HLTF: variants seen among roughly 807,000 people sequenced by gnomAD.
HLTF encodes helicase like transcription factor.
In HLTF, 127 loss-of-function variants were observed where a neutral mutation model predicts 129.4. The observed-to-expected ratio is 0.98, with a 90% confidence interval of 0.85 to 1.14. HLTF has a LOEUF of 1.14. Ranked by LOEUF, HLTF falls within the 50% of genes most tolerant of loss-of-function variation. The probability of loss-of-function intolerance (pLI) is 0.00; values close to 1 mark genes in which losing one functional copy is unlikely to be tolerated. For missense variants in HLTF, 1,139 were observed against 1,187.1 expected, an observed-to-expected ratio of 0.96 and a Z score of 0.60; for synonymous variants, 332 against 388.8, an observed-to-expected ratio of 0.85 and a Z score of 1.72.
intron 23 of HLTF, among the ~76,000 whole-genome samples, chr3:149,037,590 G>T (rs1715762441): frequency 2.0e-5 from 3 of 152,118 alleles, no homozygotes; most frequent in Non-Finnish European, 2.9e-5. Flanking sequence ...ACCGTCAGTT[G>T]AGGGAGGAAA....
chr3:149,049,928 G>A (rs1716841312), intron 15 of HLTF, among the ~76,000 whole-genome samples: 1 of 151,974 alleles, frequency 6.6e-6, no homozygotes, highest in South Asian at 2.1e-4. Context: ...GGAGGCAGAG[G>A]TTGCAGTGAG....
rs185383403 is a variant in HLTF at position 149,051,216 on chromosome 3, A to G, written c.1474-841T>C. On this transcript the variant is annotated intron_variant, in intron 14 of 24. Coordinates refer to ENST00000310053, the MANE Select transcript of HLTF (RefSeq NM_003071.4). ...TTGAATGACTACCTAGAATTGTGTGATAAAAATATAAGGAAGTTTAAAAAA... is the reference window on the plus strand; with the variant it reads ...TTGAATGACTACCTAGAATTGTGTGGTAAAAATATAAGGAAGTTTAAAAAA... Among the ~76,000 whole-genome samples the G allele has an allele frequency of 1.2e-3, 189 of 151,658 alleles. 1 individual carries two copies. The highest frequency in any genetic ancestry group is 4.2e-3 in the African/African-American group (175 of 41,322).
At chr3:149,068,682 T>C (rs1559876117) in intron 7 of HLTF, among the ~76,000 whole-genome samples, 1 of 152,254 alleles carries the variant, frequency 6.6e-6, no homozygotes, top group Non-Finnish European at 1.5e-5. Flanking sequence ...AGTTCGGAGC[T>C]AAAGTGATTA....
intron 3 of HLTF, 143 bp from the exon 4 acceptor site, chr3:149,074,491 GA>G (rs1485730082): frequency 1.2e-5 from 8 of 653,332 alleles, no homozygotes; most frequent in Admixed American, 6.8e-5. Flanking sequence ...AGACTTGAAA[GA>G]AAAAAAGGAA....
At chr3:149,045,084 AC>A (rs1272344157) in intron 18 of HLTF, among the ~76,000 whole-genome samples, 3 of 152,054 alleles carry the variant, frequency 2.0e-5, no homozygotes, top group African/African-American at 7.2e-5. Flanking sequence ...TGCGTTACAT[AC>A]CCCCATTCCA....
intron 2 of HLTF, among the ~76,000 whole-genome samples, chr3:149,079,043 A>G (rs994982112): frequency 7.2e-5 from 11 of 152,214 alleles, no homozygotes; most frequent in African/African-American, 2.7e-4. Context: ...AAGAAAAATC[A>G]GCGAAGCTGA....
In HLTF at chr3:149,070,542, G is replaced by C. The variant is rs373003496; in HGVS notation, c.894+710C>G. Among the ~76,000 whole-genome samples, 50 of 152,226 alleles carry C rather than the reference G, an allele frequency of 3.3e-4. 1 individual carries two copies. Among genetic ancestry groups the C allele is most frequent in the African/African-American group, 1.0e-3 (43 of 41,532 alleles). ...CAGCACACAAAAGCAAAAGCTCTTT[G>C]AAATCAGTAATTTTTATGAGTAGAA... is the stretch of plus-strand genomic sequence containing the variant. On this transcript the variant is annotated intron_variant, in intron 7 of 24. Transcript: ENST00000310053.
At chr3:149,070,125 G>A (rs540866035) in intron 7 of HLTF, among the ~76,000 whole-genome samples, 14 of 152,260 alleles carry the variant, frequency 9.2e-5, no homozygotes, top group East Asian at 3.9e-4. Flanking sequence ...ATGATTTAGC[G>A]TTCCATATTA....
chr3:149,066,009 T>G (rs1003207286), intron 8 of HLTF, among the ~76,000 whole-genome samples: 9 of 152,068 alleles, frequency 5.9e-5, no homozygotes, highest in African/African-American at 1.9e-4. Context: ...AAAAACTAAA[T>G]GTTTATTCAA....
chr3:149,050,309 G>A lies in HLTF; in HGVS notation c.1540C>T (p.Arg514Cys). 5.0e-6 allele frequency: 8 copies of A among 1,596,382 alleles called. No homozygotes were observed. Among genetic ancestry groups the A allele is most frequent in the Non-Finnish European group, 6.9e-6 (8 of 1,165,508 alleles). Residue 514 changes from arginine to cysteine, a missense_variant, in exon 15 of 25, where the codon CGT becomes TGT. Coordinates refer to ENST00000310053, the MANE Select transcript of HLTF (RefSeq NM_003071.4). ...GAAAGTAAGGCCGGTTCTCTAATAC[G>A]ATCAGGACCATAATAAACATAAAAA... ...LNFYVYYGPDRIREPALLSKQ... is the reference protein window; with the variant it reads ...LNFYVYYGPDCIREPALLSKQ...
intron 23 of HLTF, among the ~76,000 whole-genome samples, chr3:149,037,217 T>A (rs1715711688): frequency 6.6e-6 from 1 of 152,090 alleles, no homozygotes; most frequent in African/African-American, 2.4e-5. Flanking sequence ...ATGCCTGTAA[T>A]CCCAGCACTT....
chr3:149,052,885 T>A (rs1289461979), intron 14 of HLTF, among the ~76,000 whole-genome samples: 1 of 152,160 alleles, frequency 6.6e-6, no homozygotes, highest in East Asian at 1.9e-4. Context: ...TTCTGGAGAA[T>A]AAAGGGAGAG....
intron 18 of HLTF, among the ~76,000 whole-genome samples, chr3:149,043,277 T>A (rs1164690109): frequency 6.6e-6 from 1 of 151,122 alleles, no homozygotes; most frequent in African/African-American, 2.4e-5. Context: ...TAGTCACTGA[T>A]AAAAACATAG....
chr3:149,074,991 G>A (rs1018110971), intron 3 of HLTF, among the ~76,000 whole-genome samples: 1 of 152,176 alleles, frequency 6.6e-6, no homozygotes, highest in Non-Finnish European at 1.5e-5. Context: ...AAAACTGGGA[G>A]AGCATATGCC....
At chr3:149,070,335 T>G (rs144726075) in intron 7 of HLTF, among the ~76,000 whole-genome samples, 1 of 152,350 alleles carries the variant, frequency 6.6e-6, no homozygotes, top group African/African-American at 2.4e-5. Context: ...AGAATTCAGC[T>G]GCCATCTATT....
At chr3:149,072,088 A>C (rs1339840008) in intron 5 of HLTF, among the ~76,000 whole-genome samples, 1 of 152,188 alleles carries the variant, frequency 6.6e-6, no homozygotes, top group Non-Finnish European at 1.5e-5. Context: ...TTAAATTTAA[A>C]AACCACAAAC....
chr3:149,036,591 A>G (rs935982868), intron 23 of HLTF, among the ~76,000 whole-genome samples: 1 of 151,836 alleles, frequency 6.6e-6, no homozygotes. Flanking sequence ...GCCAGGCCAT[A>G]TTACCCCAAT....
In HLTF at chr3:149,041,560, A is replaced by G. The variant is rs1333335022; in HGVS notation, c.2306T>C (p.Val769Ala). 1.2e-6 allele frequency: 2 copies of G among 1,613,156 alleles called. No individual in the cohort carries two copies. Among genetic ancestry groups the G allele is most frequent in the South Asian group, 2.2e-5 (2 of 91,036 alleles). The change falls in exon 20 of 25, where the codon GTT becomes GCT. Residue 769 changes from valine to alanine, a missense_variant. Val to Ala is a moderately conservative substitution (Grantham distance 64). Coordinates refer to ENST00000310053, the MANE Select transcript of HLTF (RefSeq NM_003071.4). ...ATGTGCACAATGTGTTATCACAGGA[A>G]CTGTTAAAGAATCCAGGCAAATTGC... ...ECAICLDSLT[V>A]PVITHCAHVF...
chr3:149,070,572 T>G (rs973372923), intron 7 of HLTF, among the ~76,000 whole-genome samples: 2 of 152,142 alleles, frequency 1.3e-5, no homozygotes, highest in African/African-American at 4.8e-5. Flanking sequence ...GTAGAAAGGG[T>G]TACTGAGACT....
Sources: gnomAD v4.1 joint callset for allele counts (sites outside exome capture counted in the v4.1 genomes callset) on GRCh38, gnomAD v4.1.1 for gene constraint, MANE v1.5 for transcripts, NCBI Gene and HGNC (gene_info 2026-07-23, HGNC 2026-07-21) for gene names.